SYNE2: variants seen among roughly 807,000 people sequenced by gnomAD.
SYNE2 encodes spectrin repeat containing nuclear envelope protein 2.
In SYNE2, 431 loss-of-function variants were observed where a neutral mutation model predicts 856.3. The observed-to-expected ratio is 0.50, with a 90% CI of 0.47 to 0.55. The LOEUF (loss-of-function observed/expected upper bound fraction) is 0.55, where lower values mean the gene tolerates loss of function less well. SYNE2 is among the 20% of genes least tolerant of loss of function. The probability of loss-of-function intolerance (pLI) is 0.00; values close to 1 mark genes in which losing one functional copy is unlikely to be tolerated. For synonymous variants in SYNE2, 2,923 were observed against 2,872.3 expected (o/e 1.02, Z -0.56); for missense variants, 8,129 against 8,023.2 (o/e 1.01, Z -0.50).
intron 108 of SYNE2, 43 bp from the exon 109 acceptor site, chr14:64,218,355 C>T: frequency 2.6e-6 from 4 of 1,533,054 alleles, no homozygotes; most frequent in Non-Finnish European, 2.7e-6. Flanking sequence ...TTCAGATATC[C>T]TTCATATCTA....
intron 45 of SYNE2, among the ~76,000 whole-genome samples, chr14:64,041,956 A>C (rs2097152020): frequency 6.6e-6 from 1 of 152,202 alleles, no homozygotes; most frequent in African/African-American, 2.4e-5. Flanking sequence ...CTATCTATTG[A>C]GAATCAAAGG....
intron 2 of SYNE2, among the ~76,000 whole-genome samples, chr14:63,910,995 G>T (rs779297711): frequency 3.9e-4 from 60 of 152,200 alleles, no homozygotes; most frequent in Middle Eastern, 6.8e-3. Context: ...TAACATTTCT[G>T]TTCAATGGCT....
intron 107 of SYNE2, chr14:64,215,781 G>GA (rs1037348037): frequency 1.7e-4 from 78 of 462,974 alleles, no homozygotes; most frequent in African/African-American, 1.2e-3. Context: ...CCACAGGAGG[G>GA]AAAAAACCTT....
intron 37 of SYNE2, 139 bp downstream of exon 37, chr14:64,022,167 T>A (rs907486088): frequency 2.4e-6 from 2 of 828,658 alleles, no homozygotes; most frequent in Non-Finnish European, 3.9e-6. Context: ...ATCAGATAAA[T>A]CTTTTGGGAG....
rs1445812729 is a variant in SYNE2, at chr14:63,821,804, A to G, written c.-304-30697A>G. 4.6e-5 allele frequency among the ~76,000 whole-genome samples: 7 copies of G among 152,178 alleles called. 1 individual carries two copies. Among genetic ancestry groups the G allele is most frequent in the African/African-American group, 1.4e-4 (6 of 41,442 alleles). On this transcript the variant is annotated intron_variant, in intron 1 of 23. Transcript: ENST00000674003. ...GACCTATGAAAATCTGTTCATTCAT[A>G]AAAGGAACTTGTCTAAAAATTGTCC...
intron 45 of SYNE2, among the ~76,000 whole-genome samples, chr14:64,043,992 G>A (rs932796511): frequency 1.3e-5 from 2 of 152,156 alleles, no homozygotes; most frequent in Non-Finnish European, 2.9e-5. Flanking sequence ...TGAGTAGCTG[G>A]GACTACAGAC....
intron 100 of SYNE2, among the ~76,000 whole-genome samples, chr14:64,205,732 A>G (rs1020263881): frequency 1.3e-5 from 2 of 152,298 alleles, no homozygotes; most frequent in Middle Eastern, 3.4e-3. Context: ...TTTAAAATGC[A>G]CAGGAAGTAG....
intron 23 of SYNE2, among the ~76,000 whole-genome samples, chr14:63,995,730 C>CATCTATCTATCTATCTATCTATCTATCT (rs373410347): frequency 1.8e-5 from 2 of 113,454 alleles, no homozygotes; most frequent in Non-Finnish European, 3.7e-5. Flanking sequence ...TATATCTATC[C>CATCTATCTATCTATCTATCTATCTATCT]ATCTATCTAT....
chr14:64,190,630 T>A (rs1259703386), intron 99 of SYNE2: 2 of 701,984 alleles, frequency 2.8e-6, no homozygotes, highest in Admixed American at 2.0e-5. Context: ...GGCACAGGCC[T>A]GGCTTCTGGA....
At chr14:64,028,202 T>G (rs1424991125) in intron 43 of SYNE2, among the ~76,000 whole-genome samples, 3 of 151,982 alleles carry the variant, frequency 2.0e-5, no homozygotes, top group African/African-American at 7.3e-5. Flanking sequence ...ACACCTGGCC[T>G]GTTGTTGTTC....
At chr14:64,077,350 C>T (rs2097472243) in intron 54 of SYNE2, among the ~76,000 whole-genome samples, 1 of 150,194 alleles carries the variant, frequency 6.7e-6, no homozygotes, top group Non-Finnish European at 1.5e-5. Context: ...TGTGACACAG[C>T]CAGCCATGAA....
At chr14:64,078,702 C>G in intron 55 of SYNE2, 96 bp downstream of exon 55, 2 of 1,458,380 alleles carry the variant, frequency 1.4e-6, no homozygotes, top group Non-Finnish European at 1.9e-6. Flanking sequence ...TTGAATTAAT[C>G]TGAAGCACAG....
At position 64,225,652 on chromosome 14, in the gene SYNE2, G is replaced by A. The variant is rs2098715791; in HGVS notation, c.*126G>A. On this transcript the variant is annotated 3_prime_UTR_variant, in exon 116 of 116. Transcript: ENST00000555002. ...CCGGGACCTGTGCAGACTTCTTCTGGGCTTACCCAGCACGGGCTCCCTGGA... is the reference window on the plus strand; with the variant it reads ...CCGGGACCTGTGCAGACTTCTTCTGAGCTTACCCAGCACGGGCTCCCTGGA... The A allele has an allele frequency of 1.9e-6, 2 of 1,071,684 alleles. No individual in the cohort carries two copies. Among genetic ancestry groups the A allele is most frequent in the Non-Finnish European group, 2.8e-6 (2 of 711,844 alleles). 66.4% of individuals were successfully genotyped at this position (1,071,684 alleles called of 1,614,324 possible).
intron 60 of SYNE2, among the ~76,000 whole-genome samples, chr14:64,092,473 G>A (rs537670616): frequency 9.2e-5 from 14 of 152,280 alleles, no homozygotes; most frequent in Admixed American, 6.5e-5. Context: ...ACGGGATGTA[G>A]TTCATTATTG....
intron 85 of SYNE2, among the ~76,000 whole-genome samples, chr14:64,156,313 C>T (rs1206929294): frequency 6.6e-6 from 1 of 152,160 alleles, no homozygotes; most frequent in Admixed American, 6.5e-5. Context: ...CTTGTGTTGA[C>T]ATGTATATAT....
At chr14:64,030,965 A>G in intron 44 of SYNE2, 51 bp from the exon 45 acceptor site, 1 of 1,350,546 alleles carries the variant, frequency 7.4e-7, no homozygotes, top group African/African-American at 1.4e-5. Context: ...AAAGTCAATT[A>G]ACTTTTGTGG....
intron 30 of SYNE2, 44 bp downstream of exon 30, chr14:64,003,374 T>C (rs1307270079): frequency 6.2e-6 from 10 of 1,612,022 alleles, no homozygotes; most frequent in Non-Finnish European, 8.5e-6. Context: ...ACTGACATCT[T>C]TCTGTATTTT....
At chr14:64,098,676 C>G in intron 62 of SYNE2, 71 bp from the exon 63 acceptor site, 1 of 1,504,122 alleles carries the variant, frequency 6.6e-7, no homozygotes, top group Non-Finnish European at 9.2e-7. Flanking sequence ...CATAAAAATG[C>G]AGCTGGACTG....
Position 64,110,263 on chromosome 14 carries a change from C to T in SYNE2, c.12609+2656C>T, listed in dbSNP as rs147885496. ...AGAAAATCAACTTGCATTTTAACTGCAGTTTTTTTTACTGATTACTGATTA... is the reference window on the plus strand; with the variant it reads ...AGAAAATCAACTTGCATTTTAACTGTAGTTTTTTTTACTGATTACTGATTA... On this transcript the variant is annotated intron_variant, in intron 65 of 115. Transcript: ENST00000555002. Among the ~76,000 whole-genome samples the T allele has an allele frequency of 5.5e-3, 833 of 152,162 alleles. 8 individuals carry two copies. The highest frequency in any genetic ancestry group is 0.019 in the African/African-American group (794 of 41,462).
Sources: allele counts gnomAD v4.1 joint callset (sites outside exome capture counted in the v4.1 genomes callset), GRCh38; gene constraint gnomAD v4.1.1; transcripts MANE v1.5; gene names NCBI Gene and HGNC (gene_info 2026-07-23, HGNC 2026-07-21).